Variants in IGSF9B observed in about 807,000 individuals in gnomAD.
IGSF9B encodes the protein protein turtle homolog B.
Under a neutral mutation model 143.7 loss-of-function variants are expected in IGSF9B, and 48 were observed. The ratio of observed to expected loss-of-function variants is 0.33; its 90% confidence interval spans 0.26 to 0.42. IGSF9B has a LOEUF of 0.42. Among genes scored for constraint, IGSF9B ranks in the 20% least tolerant of loss-of-function variants. The pLI is 1.00. For missense variants in IGSF9B, 1,706 were observed against 1,980.0 expected, an observed-to-expected ratio of 0.86 and a Z score of 2.63; for synonymous variants, 903 against 833.1, an observed-to-expected ratio of 1.08 and a Z score of -1.44.
In IGSF9B at chr11:133,953,782, C is replaced by G. The variant is rs554405600; in HGVS notation, c.64+2909G>C. Among the ~76,000 whole-genome samples the G allele has an allele frequency of 6.6e-6, 1 of 152,176 alleles. No individual in the cohort carries two copies. The highest frequency in any genetic ancestry group is 6.5e-5 in the Admixed American group (1 of 15,276). ...CCAGGGTCCTCCCACAGAGTAGGAA[C>G]TCCCCCGGGCTGGCTCAGCAGCCGT... On this transcript the variant is annotated intron_variant, in intron 1 of 19. Coordinates refer to ENST00000533871, the MANE Select transcript of IGSF9B (RefSeq NM_001277285.4). The surrounding 1 kb of genome is among the most constrained non-coding windows in gnomAD (Gnocchi z 4.2).
rs1457149561 is a variant in IGSF9B at position 133,931,673 on chromosome 11, A to T, written c.1233T>A (p.Pro411=). ...ACCTCACCTTCAGGACAAGCCTCGC[A>T]GGGGCAGACTGGCCCATGGTCCCCA... is the stretch of plus-strand genomic sequence containing the variant. ...NTLGTMGQSA[P]ARLVLKDPPY... The change falls in exon 9 of 20, where the codon CCT becomes CCA. Residue 411 remains proline (P), a synonymous_variant. Transcript: ENST00000533871. This position sits in a 1 kb window ranked among gnomAD's most constrained non-coding sequence, Gnocchi z 7.7. 6.2e-7 allele frequency: 1 copy of T among 1,610,284 alleles called. No homozygotes were observed. The highest frequency in any genetic ancestry group is 1.3e-5 in the African/African-American group (1 of 74,740).
intron 13 of IGSF9B, 85 bp downstream of exon 13, chr11:133,926,831 G>A (rs917658216): frequency 8.5e-6 from 10 of 1,173,698 alleles, no homozygotes; most frequent in Non-Finnish European, 1.1e-5. Context: ...CCGGCACACA[G>A]GAGGCCGACT....
chr11:133,941,716 CCCCAGCTTTCCCG>C (rs1484721193), intron 3 of IGSF9B, among the ~76,000 whole-genome samples: 1 of 152,172 alleles, frequency 6.6e-6, no homozygotes, highest in Non-Finnish European at 1.5e-5. Flanking sequence ...GGTGCACCAT[CCCCAGCTTTCCCG>C]CCCAGCATTT....
rs987544242 is a variant in IGSF9B at position 133,913,127 on chromosome 11, T to G, written c.3984-1120A>C. 2.0e-5 allele frequency among the ~76,000 whole-genome samples: 3 copies of G among 151,998 alleles called. No homozygotes were observed. The highest frequency in any genetic ancestry group is 4.4e-5 in the Non-Finnish European group (3 of 68,004). The stretch of plus-strand genomic sequence containing the variant: ...TCTGTCTTCCCACCAGCGCTGGCAT[T>G]AGCACGTGATCAGAGAAGCAGGGAC... On this transcript the variant is annotated intron_variant, in intron 18 of 19. Coordinates refer to ENST00000533871, the MANE Select transcript of IGSF9B (RefSeq NM_001277285.4). This position sits in a 1 kb window ranked among gnomAD's most constrained non-coding sequence, Gnocchi z 4.6.
intron 18 of IGSF9B, among the ~76,000 whole-genome samples, chr11:133,914,356 T>A (rs1939345420): frequency 6.6e-6 from 1 of 151,824 alleles, no homozygotes. Flanking sequence ...TCCACAAAGG[T>A]ATAGCAGCTA....
intron 1 of IGSF9B, among the ~76,000 whole-genome samples, chr11:133,950,433 G>A (rs1159112791): frequency 5.9e-5 from 9 of 152,208 alleles, no homozygotes; most frequent in Admixed American, 3.3e-4. Context: ...GTCTCCCATT[G>A]AAAAATGAGC....
chr11:133,922,201 T>C lies in IGSF9B; in HGVS notation c.2303A>G (p.His768Arg). ...CGGAGACTCCAGGCTCTTCCTGCAG[T>C]GGGTGATGGAGAGTGGAGGGTCTGG... ...RKKDPPLSIT[H>R]CRKSLESPLS... The change falls in exon 17 of 20, where the codon CAC (histidine) becomes CGC (arginine). Residue 768 changes from histidine (H) to arginine (R), a missense_variant. His to Arg is a conservative substitution (Grantham distance 29, BLOSUM62 0). This residue lies in a region of IGSF9B where 135 missense variants were observed against 181.3 expected (regional missense o/e 0.74). Coordinates refer to ENST00000533871, the MANE Select transcript of IGSF9B (RefSeq NM_001277285.4). The C allele has an allele frequency of 6.2e-7, 1 of 1,613,028 alleles. No individual in the cohort carries two copies. Among genetic ancestry groups the C allele is most frequent in the Non-Finnish European group, 8.5e-7 (1 of 1,179,556 alleles).
In IGSF9B at chr11:133,908,911, G is replaced by T; in HGVS notation, c.*158C>A. ...CCTCCGTCCTGAAGACAGGCGGCCA[G>T]GATCTGGAGGGAGACACCCGCTCTG... is the stretch of plus-strand genomic sequence containing the variant. On this transcript the variant is annotated 3_prime_UTR_variant, in exon 20 of 20. Coordinates refer to ENST00000533871, the MANE Select transcript of IGSF9B (RefSeq NM_001277285.4). The T allele has an allele frequency of 1.6e-6, 1 of 642,372 alleles. No individual in the cohort carries two copies. Among genetic ancestry groups the T allele is most frequent in the South Asian group, 2.0e-5 (1 of 50,484 alleles). The allele number at this position is 642,372 out of a possible 1,614,324, so 39.8% of individuals were successfully genotyped here.
intron 7 of IGSF9B, 140 bp downstream of exon 7, chr11:133,935,477 C>T: frequency 9.7e-7 from 1 of 1,035,350 alleles, no homozygotes; most frequent in East Asian, 2.6e-5. Context: ...CCAGCCATCC[C>T]TCCTTCTTCT....
rs529638675 is a variant in IGSF9B, at chr11:133,913,165, C to T, written c.3984-1158G>A. Among the ~76,000 whole-genome samples, 4 of 152,288 alleles carry T rather than the reference C, an allele frequency of 2.6e-5. No homozygotes were observed. The highest frequency in any genetic ancestry group is 1.9e-4 in the East Asian group (1 of 5,172). On this transcript the variant is annotated intron_variant, in intron 18 of 19. Coordinates refer to ENST00000533871, the MANE Select transcript of IGSF9B (RefSeq NM_001277285.4). This position sits in a 1 kb window ranked among gnomAD's most constrained non-coding sequence, Gnocchi z 4.6. ...GAGAAGCAGGGACGCTCTGGGGCCACGGCGGACAGGCGTGCCTCGCTCTTC... is the reference window on the plus strand; with the variant it reads ...GAGAAGCAGGGACGCTCTGGGGCCATGGCGGACAGGCGTGCCTCGCTCTTC...
chr11:133,934,549 T>C (rs1040346361), intron 7 of IGSF9B, among the ~76,000 whole-genome samples: 3 of 152,244 alleles, frequency 2.0e-5, no homozygotes, highest in Non-Finnish European at 4.4e-5. Context: ...AAAAGTCCTT[T>C]AAGTGGCTGA....
At chr11:133,940,349 G>C (rs1180882195) in intron 3 of IGSF9B, among the ~76,000 whole-genome samples, 1 of 120,258 alleles carries the variant, frequency 8.3e-6, no homozygotes, top group African/African-American at 3.3e-5. Flanking sequence ...CCTCGCACGC[G>C]TCATCGCACG....
Position 133,953,130 on chromosome 11 carries a change from A to C in IGSF9B, c.64+3561T>G, listed in dbSNP as rs1244331035. Among the ~76,000 whole-genome samples the C allele has an allele frequency of 1.3e-5, 2 of 152,152 alleles. No homozygotes were observed. Among genetic ancestry groups the C allele is most frequent in the Non-Finnish European group, 2.9e-5 (2 of 68,014 alleles). ...AGAAGGCAAAGGTACAGGAGGTTGG[A>C]GTGAGGGCCAGAGTGATGCTGGGGC... is the stretch of plus-strand genomic sequence containing the variant. On this transcript the variant is annotated intron_variant, in intron 1 of 19. Transcript: ENST00000533871. The surrounding 1 kb of genome is among the most constrained non-coding windows in gnomAD (Gnocchi z 4.2).
Position 133,921,160 on chromosome 11 carries a change from G to A in IGSF9B, c.2565C>T (p.Asp855=), listed in dbSNP as rs750385595. The change falls in exon 18 of 20, where the codon GAC becomes GAT. Residue 855 remains aspartate, a synonymous_variant. Coordinates refer to ENST00000533871, the MANE Select transcript of IGSF9B (RefSeq NM_001277285.4). ...TPIELISRGP[D]GRFVMDPAEM... ...CGGCAGGGTCCATCACGAAGCGGCC[G>A]TCAGGGCCTCTGCTGATGAGCTCGA... The A allele has an allele frequency of 3.5e-5, 57 of 1,612,132 alleles. No homozygotes were observed. Among genetic ancestry groups the A allele is most frequent in the Non-Finnish European group, 4.3e-5 (51 of 1,179,124 alleles).
chr11:133,946,594 C>T (rs1940056683), intron 1 of IGSF9B, among the ~76,000 whole-genome samples: 3 of 152,162 alleles, frequency 2.0e-5, no homozygotes, highest in Admixed American at 2.0e-4. Flanking sequence ...CCCCTGCTGG[C>T]ATCCTGCCCC....
chr11:133,912,183 G>C lies in IGSF9B; in HGVS notation c.3984-176C>G, dbSNP rs542849666. ...GCCTTTCTATTGCTCCTGGAAAGAA[G>C]AAAACCCAGTAGAAAGCTCCAGGAG... is the stretch of plus-strand genomic sequence containing the variant. On this transcript the variant is annotated intron_variant, in intron 18 of 19. Coordinates refer to ENST00000533871, the MANE Select transcript of IGSF9B (RefSeq NM_001277285.4). 9.7e-5 allele frequency: 78 copies of C among 801,620 alleles called. No individual in the cohort carries two copies. The African/African-American group carries it at 1.3e-3, about 13-fold the overall frequency. 49.7% of individuals were successfully genotyped at this position (801,620 alleles called of 1,614,324 possible).
Position 133,921,120 on chromosome 11 carries a change from G to A in IGSF9B, c.2605C>T (p.Leu869=), listed in dbSNP as rs775004491. ...AAGCCCTCGATGCGCCTGCTCTTCA[G>A]CGAGGGCTCCATCTCGGCAGGGTCC... ...VMDPAEMEPS[L]KSRRIEGFPF... The change falls in exon 18 of 20, where the codon CTG becomes TTG. Residue 869 remains leucine (L), a synonymous_variant. Coordinates refer to ENST00000533871, the MANE Select transcript of IGSF9B (RefSeq NM_001277285.4). 1 of 1,613,784 alleles carries A rather than the reference G, an allele frequency of 6.2e-7. No individual in the cohort carries two copies. The highest frequency in any genetic ancestry group is 2.2e-5 in the East Asian group (1 of 44,884).
In IGSF9B at chr11:133,902,047, C is replaced by G. The variant is rs1340670191; in HGVS notation, c.*7022G>C. On this transcript the variant is annotated 3_prime_UTR_variant, in exon 20 of 20. Transcript: ENST00000533871. ...CACCATACCACACACCACACCCACA[C>G]ACAATACACACATACCACACACAAT... is the stretch of plus-strand genomic sequence containing the variant. Among the ~76,000 whole-genome samples the G allele has an allele frequency of 1.3e-5, 2 of 148,652 alleles. No individual in the cohort carries two copies. Among genetic ancestry groups the G allele is most frequent in the African/African-American group, 5.0e-5 (2 of 40,162 alleles).
At chr11:133,939,051 G>C (rs910796994) in intron 3 of IGSF9B, among the ~76,000 whole-genome samples, 8 of 152,222 alleles carry the variant, frequency 5.3e-5, no homozygotes, top group African/African-American at 1.9e-4. Context: ...CCTGCCCTGA[G>C]AACTAGTCAG....
Sources: gnomAD v4.1 joint callset for allele counts (sites outside exome capture counted in the v4.1 genomes callset) on GRCh38, gnomAD v4.1.1 for gene constraint, gnomAD v4.1.1 regional missense constraint, Gnocchi (gnomAD v3.1) non-coding constraint, MANE v1.5 for transcripts, NCBI Gene and HGNC (gene_info 2026-07-23, HGNC 2026-07-21) for gene names.